Variants in CNOT4 observed in about 807,000 individuals in gnomAD.
CNOT4 encodes CCR4-NOT transcription complex subunit 4.
In CNOT4, 8 loss-of-function variants were observed where a neutral mutation model predicts 73.8. The ratio of observed to expected loss-of-function variants is 0.11; its 90% CI spans 0.06 to 0.20. The LOEUF is 0.20. Among genes scored for constraint, CNOT4 ranks in the 10% least tolerant of loss-of-function variants. The pLI is 1.00. For missense variants in CNOT4, 564 were observed against 883.4 expected, an observed-to-expected ratio of 0.64 and a Z score of 4.58; for synonymous variants, 293 against 321.1, an observed-to-expected ratio of 0.91 and a Z score of 0.94.
intron 4 of CNOT4, among the ~76,000 whole-genome samples, chr7:135,414,707 A>G (rs1342684372): frequency 6.6e-6 from 1 of 152,080 alleles, no homozygotes; most frequent in East Asian, 1.9e-4. Flanking sequence ...CAGTCATTTG[A>G]CAGGCTCGTC....
intron 10 of CNOT4, among the ~76,000 whole-genome samples, chr7:135,385,867 A>G (rs1371344627): frequency 6.6e-6 from 1 of 152,176 alleles, no homozygotes; most frequent in East Asian, 1.9e-4. Flanking sequence ...ATTTTATTCA[A>G]CCTTGTATCT....
rs1000000471 is a variant in CNOT4, at chr7:135,395,746, G to A, written c.1017C>T (p.Asp339=). Residue 339 remains aspartate (D), a synonymous_variant, in exon 9 of 12, where the codon GAC becomes GAT. Coordinates refer to ENST00000541284, the MANE Select transcript of CNOT4 (RefSeq NM_001190850.2). ...GGATAGGGTTGGGATGGCGAAAATT[G>A]TCTGAGAATAACGACTGTGACTCTG... ...AVTESQSLFS[D]NFRHPNPIPS... 9.3e-6 allele frequency: 15 copies of A among 1,614,022 alleles called. No homozygotes were observed. The highest frequency in any genetic ancestry group is 1.3e-5 in the African/African-American group (1 of 74,920).
At chr7:135,442,708 A>G (rs1371882131) in intron 1 of CNOT4, among the ~76,000 whole-genome samples, 1 of 152,238 alleles carries the variant, frequency 6.6e-6, no homozygotes, top group African/African-American at 2.4e-5. Flanking sequence ...AGAAAAGCCA[A>G]TGATTTCCTG....
At chr7:135,447,899 T>C (rs1172217202) in intron 1 of CNOT4, among the ~76,000 whole-genome samples, 1 of 151,908 alleles carries the variant, frequency 6.6e-6, no homozygotes, top group African/African-American at 2.4e-5. Flanking sequence ...TGTCCTAGAG[T>C]ATTGTTAAAG....
intron 1 of CNOT4, among the ~76,000 whole-genome samples, chr7:135,503,479 C>A (rs58283071): frequency 0.022 from 3,360 of 151,874 alleles, 123 homozygotes; most frequent in African/African-American, 0.069. Flanking sequence ...AAAAAAAGTT[C>A]TAGTACGAAT....
At chr7:135,372,394 AAT>A (rs1795256759) in intron 10 of CNOT4, among the ~76,000 whole-genome samples, 1 of 151,984 alleles carries the variant, frequency 6.6e-6, no homozygotes, top group Admixed American at 6.6e-5. Flanking sequence ...AGTGTATTGC[AAT>A]CATTTGTTTA....
chr7:135,507,557 T>A (rs984327756), intron 1 of CNOT4, among the ~76,000 whole-genome samples: 2 of 152,066 alleles, frequency 1.3e-5, no homozygotes, highest in Non-Finnish European at 2.9e-5. Context: ...CGGGCAAAAA[T>A]TATGGAGGGG....
chr7:135,410,474 A>G (rs755678703), intron 7 of CNOT4, 41 bp downstream of exon 7: 1 of 1,280,228 alleles, frequency 7.8e-7, no homozygotes, highest in Non-Finnish European at 1.0e-6. Flanking sequence ...AGATCAACTG[A>G]TAAGAAGGTA....
At chr7:135,379,201 A>AT (rs1439542724) in intron 10 of CNOT4, among the ~76,000 whole-genome samples, 2 of 152,214 alleles carry the variant, frequency 1.3e-5, no homozygotes, top group East Asian at 3.8e-4. Context: ...GAGACTTATA[A>AT]TAGTCAATAG....
chr7:135,502,709 A>G (rs1174490693), intron 1 of CNOT4, among the ~76,000 whole-genome samples: 1 of 147,812 alleles, frequency 6.8e-6, no homozygotes, highest in African/African-American at 2.5e-5. Flanking sequence ...CCAGCTACTG[A>G]GGAGGCTGAG....
rs3812265 is a variant in CNOT4 at position 135,364,052 on chromosome 7, C to T, written c.1642G>A (p.Val548Ile). ...GIPVADNSSSVESLNMKEWQD... is the reference protein window; with the variant it reads ...GIPVADNSSSIESLNMKEWQD... ...CATTCCTTCATATTTAAACTCTCTA[C>T]AGAACTGCTGTTGTCTGGGAGATTT... Residue 548 changes from valine to isoleucine, a missense_variant, in exon 11 of 12, where the codon GTA becomes ATA. Physicochemically the swap from Val to Ile is conservative, Grantham distance 29 (BLOSUM62 3). Transcript: ENST00000541284. The surrounding 1 kb of genome is among the most constrained non-coding windows in gnomAD (Gnocchi z 4.3). 395,127 of 1,593,110 alleles carry T rather than the reference C, an allele frequency of 0.25. 51,994 individuals are homozygous for T. Among genetic ancestry groups the T allele is most frequent in the East Asian group, 0.5 (22,497 of 44,802 alleles).
At chr7:135,471,237 G>A (rs559461439) in intron 1 of CNOT4, among the ~76,000 whole-genome samples, 1 of 151,740 alleles carries the variant, frequency 6.6e-6, no homozygotes, top group East Asian at 1.9e-4. Context: ...AAGACTGGGA[G>A]ACAGTATGGA....
chr7:135,384,290 T>C (rs111932141), intron 10 of CNOT4: 5,259 of 152,050 alleles, frequency 0.035, 316 homozygotes, highest in African/African-American at 0.12. Flanking sequence ...TCTCTCTCTC[T>C]TTTTTTTTTT....
At chr7:135,462,775 T>G (rs1361814258) in intron 1 of CNOT4, among the ~76,000 whole-genome samples, 1 of 152,238 alleles carries the variant, frequency 6.6e-6, no homozygotes, top group Admixed American at 6.5e-5. Flanking sequence ...TAGGTTTCTA[T>G]AGACCTGAGC....
intron 10 of CNOT4, chr7:135,388,642 A>G: frequency 7.8e-7 from 1 of 1,285,024 alleles, no homozygotes; most frequent in Middle Eastern, 2.0e-4. Flanking sequence ...TTCAACAACT[A>G]TGAGGTAACA....
At chr7:135,478,983 T>A (rs1396887008) in intron 1 of CNOT4, among the ~76,000 whole-genome samples, 1 of 152,040 alleles carries the variant, frequency 6.6e-6, no homozygotes, top group Non-Finnish European at 1.5e-5. Context: ...TTTAAAAAAA[T>A]TTTCCTGAAT....
intron 10 of CNOT4, among the ~76,000 whole-genome samples, chr7:135,367,448 G>C (rs17400755): frequency 0.083 from 12,621 of 152,118 alleles, 711 homozygotes; most frequent in Non-Finnish European, 0.12. Context: ...TATAATTTAG[G>C]CATGTACATC....
chr7:135,373,583 A>T (rs1795340313), intron 10 of CNOT4, among the ~76,000 whole-genome samples: 1 of 152,056 alleles, frequency 6.6e-6, no homozygotes, highest in South Asian at 2.1e-4. Context: ...TTATTTTTTT[A>T]TTTTTATTTT....
chr7:135,443,002 T>A (rs1285468804), intron 1 of CNOT4, among the ~76,000 whole-genome samples: 1 of 152,028 alleles, frequency 6.6e-6, no homozygotes, highest in Admixed American at 6.6e-5. Flanking sequence ...GCGGCTGTAG[T>A]GAGCCATGTT....
Sources: gnomAD v4.1 joint callset for allele counts (sites outside exome capture counted in the v4.1 genomes callset) on GRCh38, gnomAD v4.1.1 for gene constraint, Gnocchi (gnomAD v3.1) non-coding constraint, MANE v1.5 for transcripts, NCBI Gene and HGNC (gene_info 2026-07-23, HGNC 2026-07-21) for gene names.